The following RIC1 variants were observed in gnomAD, a reference collection of about 807,000 sequenced individuals.
RIC1 encodes the protein RIC1 partner of RAB6A GEF complex.
A neutral mutation model predicts 169.0 loss-of-function variants in RIC1; 88 were observed. The ratio of observed to expected loss-of-function variants is 0.52; its 90% CI spans 0.44 to 0.62. The LOEUF is 0.62. Ranked by LOEUF, RIC1 falls within the 20% of genes least tolerant of loss-of-function variation. The pLI, the probability that RIC1 is intolerant of heterozygous loss-of-function variation, is 0.00. For synonymous variants in RIC1, 790 were observed against 601.5 expected (o/e 1.31, Z -4.59); for missense variants, 1,877 against 1,725.5 (o/e 1.09, Z -1.56).
At chr9:5,657,497 C>T (rs1554659771) in intron 2 of RIC1, among the ~76,000 whole-genome samples, 1 of 152,096 alleles carries the variant, frequency 6.6e-6, no homozygotes, top group African/African-American at 2.4e-5. Context: ...TATTATCCTT[C>T]ATAATGGATG....
rs147832585 is a variant in RIC1, at chr9:5,720,639, C to T, written c.609C>T (p.Asp203=). ...SRVGSFLGFT[D]VHIRDMEYCA... ...TAGGTTCATTCCTGGGCTTCACAGA[C>T]GTACACATCAGAGACATGGAATACT... Residue 203 remains aspartate, a synonymous_variant, in exon 6 of 26, where the codon GAC becomes GAT. Transcript: ENST00000414202. 36 of 1,606,008 alleles carry T rather than the reference C, an allele frequency of 2.2e-5. No individual in the cohort carries two copies. The Admixed American group carries it at 3.1e-4, about 14-fold the overall frequency.
At chr9:5,634,397 G>A (rs567424360) in intron 1 of RIC1, among the ~76,000 whole-genome samples, 3 of 152,146 alleles carry the variant, frequency 2.0e-5, no homozygotes, top group African/African-American at 7.2e-5. Context: ...ACCTTGTTAT[G>A]ATTTAACTTC....
chr9:5,636,005 G>C (rs1475271726), intron 1 of RIC1, among the ~76,000 whole-genome samples: 1 of 152,196 alleles, frequency 6.6e-6, no homozygotes, highest in Non-Finnish European at 1.5e-5. Context: ...TTCCAGCTTT[G>C]TTGTTCTTTC....
intron 2 of RIC1, among the ~76,000 whole-genome samples, chr9:5,682,885 A>G (rs1395949192): frequency 6.6e-6 from 1 of 151,072 alleles, no homozygotes; most frequent in Non-Finnish European, 1.5e-5. Flanking sequence ...TTTTCTCTAC[A>G]CTTCTCTTCT....
intron 2 of RIC1, among the ~76,000 whole-genome samples, chr9:5,687,104 A>C (rs1398471646): frequency 6.6e-6 from 1 of 152,128 alleles, no homozygotes; most frequent in African/African-American, 2.4e-5. Context: ...TGTCCATCTC[A>C]TCCAAGTTGT....
rs547366815 is a variant in RIC1, at chr9:5,721,303, A to T, written c.720+553A>T. 2.6e-5 allele frequency among the ~76,000 whole-genome samples: 4 copies of T among 152,360 alleles called. No homozygotes were observed. In the East Asian group the frequency reaches 5.8e-4, roughly 22 times the overall value. On this transcript the variant is annotated intron_variant, in intron 6 of 25. Transcript: ENST00000414202. ...TTAGCTAAAAGCAGGTTCTTGTCACACAGCCAGGAAAGATTAGGCATGCAG... is the reference window on the plus strand; with the variant it reads ...TTAGCTAAAAGCAGGTTCTTGTCACTCAGCCAGGAAAGATTAGGCATGCAG...
intron 2 of RIC1, among the ~76,000 whole-genome samples, chr9:5,668,130 C>T (rs761603934): frequency 2.0e-5 from 3 of 152,028 alleles, no homozygotes; most frequent in East Asian, 3.9e-4. Context: ...AGAAAAGCCA[C>T]CTATTAAAGT....
chr9:5,684,766 C>G (rs1447002607), intron 2 of RIC1, among the ~76,000 whole-genome samples: 1 of 152,044 alleles, frequency 6.6e-6, no homozygotes, highest in East Asian at 1.9e-4. Context: ...TGAAGGCATT[C>G]AGTCTTTTAC....
chr9:5,648,081 C>T (rs942534463), intron 1 of RIC1, among the ~76,000 whole-genome samples: 1 of 151,928 alleles, frequency 6.6e-6, no homozygotes, highest in African/African-American at 2.4e-5. Context: ...CTCCCGAGTT[C>T]AAGCAATTCT....
At chr9:5,650,033 G>C (rs898267433) in intron 1 of RIC1, among the ~76,000 whole-genome samples, 2 of 152,170 alleles carry the variant, frequency 1.3e-5, no homozygotes, top group Non-Finnish European at 2.9e-5. Context: ...CCTGGGCAGT[G>C]GGATGCTAGG....
rs761306487 is a variant in RIC1 at position 5,689,985 on chromosome 9, T to C, written c.279T>C (p.Phe93=). The part of the protein sequence containing the change: ...VSTANGYILF[F]HITSTRGDKY... ...CGGCAAATGGATACATCTTGTTTTT[T>C]CATATTACATCTACAAGAGGGGACA... Residue 93 remains phenylalanine (F), a synonymous_variant, in exon 3 of 26, where the codon TTT becomes TTC. Transcript: ENST00000414202. 6.2e-7 allele frequency: 1 copy of C among 1,602,288 alleles called. No individual in the cohort carries two copies. Among genetic ancestry groups the C allele is most frequent in the South Asian group, 1.1e-5 (1 of 88,602 alleles).
intron 2 of RIC1, among the ~76,000 whole-genome samples, chr9:5,675,118 C>A (rs1444288033): frequency 1.3e-5 from 2 of 152,150 alleles, no homozygotes; most frequent in Non-Finnish European, 2.9e-5. Flanking sequence ...CGCACGTGGC[C>A]CCTGCTGCTG....
intron 3 of RIC1, among the ~76,000 whole-genome samples, chr9:5,701,390 T>C (rs1006166562): frequency 1.3e-5 from 2 of 152,066 alleles, no homozygotes; most frequent in African/African-American, 4.8e-5. Context: ...GGCGGGTGGA[T>C]CACTTGAGGT....
intron 3 of RIC1, among the ~76,000 whole-genome samples, chr9:5,694,391 G>A (rs1011892924): frequency 1.3e-5 from 2 of 152,058 alleles, no homozygotes; most frequent in Non-Finnish European, 2.9e-5. Flanking sequence ...AATAAACCTT[G>A]TTCTACATTC....
chr9:5,659,047 C>T (rs1387256795), intron 2 of RIC1, among the ~76,000 whole-genome samples: 2 of 151,876 alleles, frequency 1.3e-5, no homozygotes, highest in African/African-American at 2.4e-5. Context: ...CCCAATTTAC[C>T]AAAAAGGTTA....
In RIC1 at chr9:5,708,371, G is replaced by A. The variant is rs531973454; in HGVS notation, c.333-5525G>A. On this transcript the variant is annotated intron_variant, in intron 3 of 25. Transcript: ENST00000414202. ...TTTACCTATGTAATTACTTTTATCA[G>A]TGTTCTTTATTTTCTTACATGGGTT... Among the ~76,000 whole-genome samples the A allele has an allele frequency of 4.7e-4, 71 of 152,196 alleles. 1 individual carries two copies. The highest frequency in any genetic ancestry group is 2.9e-3 in the South Asian group (14 of 4,832).
chr9:5,652,915 A>T (rs1295218405), intron 1 of RIC1, among the ~76,000 whole-genome samples: 2 of 152,174 alleles, frequency 1.3e-5, no homozygotes, highest in Non-Finnish European at 2.9e-5. Context: ...TCAAGAATAG[A>T]TGTTGAGTTT....
In RIC1 at chr9:5,669,597, G is replaced by A. The variant is rs977955612; in HGVS notation, c.252+12907G>A. 2.0e-5 allele frequency among the ~76,000 whole-genome samples: 3 copies of A among 152,138 alleles called. No homozygotes were observed. In the East Asian group the frequency reaches 5.8e-4, roughly 29 times the overall value. On this transcript the variant is annotated intron_variant, in intron 2 of 25. Coordinates refer to ENST00000414202, the MANE Select transcript of RIC1 (RefSeq NM_020829.4). ...TCAAAATTCAGCAGATGTCTTGAGG[G>A]TAAAATTGGTGTTAAAGAAAAAATT...
At chr9:5,667,193 A>G (rs1241122497) in intron 2 of RIC1, among the ~76,000 whole-genome samples, 2 of 152,110 alleles carry the variant, frequency 1.3e-5, no homozygotes, top group Admixed American at 1.3e-4. Flanking sequence ...GAGTTGGCAC[A>G]TGATTGTAGT....
Sources: gnomAD v4.1 joint callset for allele counts (sites outside exome capture counted in the v4.1 genomes callset) on GRCh38, gnomAD v4.1.1 for gene constraint, MANE v1.5 for transcripts, NCBI Gene and HGNC (gene_info 2026-07-23, HGNC 2026-07-21) for gene names.